DSCAM: variants seen among roughly 807,000 people sequenced by gnomAD.
The protein encoded by DSCAM is DS cell adhesion molecule.
DSCAM carries 47 observed loss-of-function variants against 217.7 expected under a neutral mutation model. The observed-to-expected ratio is 0.22, with a 90% confidence interval of 0.17 to 0.28. The LOEUF is 0.28. DSCAM is among the 10% of genes least tolerant of loss of function. The pLI is 1.00. For missense variants in DSCAM, 2,080 were observed against 2,618.3 expected, an observed-to-expected ratio of 0.79 and a Z score of 4.49; for synonymous variants, 1,056 against 1,015.3, an observed-to-expected ratio of 1.04 and a Z score of -0.76.
At chr21:40,788,415 G>A (rs368208810) in intron 1 of DSCAM, among the ~76,000 whole-genome samples, 3 of 152,132 alleles carry the variant, frequency 2.0e-5, no homozygotes, top group South Asian at 4.2e-4. Context: ...AATAACTTTT[G>A]TTTTATACCT....
intron 3 of DSCAM, among the ~76,000 whole-genome samples, chr21:40,478,682 TACTACCACA>T (rs917166636): frequency 6.6e-6 from 1 of 152,206 alleles, no homozygotes; most frequent in Non-Finnish European, 1.5e-5. Flanking sequence ...TTATTACTGC[TACTACCACA>T]ACTACAACTA....
chr21:40,382,050 C>CT (rs1240881530), intron 3 of DSCAM, among the ~76,000 whole-genome samples: 1 of 152,100 alleles, frequency 6.6e-6, no homozygotes, highest in Non-Finnish European at 1.5e-5. Flanking sequence ...TTTGAAGAGC[C>CT]TTTTTCAACA....
intron 8 of DSCAM, among the ~76,000 whole-genome samples, chr21:40,330,854 T>C (rs2074370812): frequency 6.6e-6 from 1 of 152,222 alleles, no homozygotes; most frequent in African/African-American, 2.4e-5. Context: ...AATAATAAAT[T>C]AACATAAAAG....
intron 3 of DSCAM, among the ~76,000 whole-genome samples, chr21:40,435,270 G>T (rs924677390): frequency 1.3e-5 from 2 of 152,220 alleles, no homozygotes. Flanking sequence ...GTGCAGCCTT[G>T]TTGCTAGATG....
chr21:40,317,997 C>T (rs1385119638), intron 8 of DSCAM, among the ~76,000 whole-genome samples: 1 of 152,128 alleles, frequency 6.6e-6, no homozygotes, highest in African/African-American at 2.4e-5. Flanking sequence ...CTACAAAGGA[C>T]ATGAACTCAT....
chr21:40,469,390 T>G (rs60217044), intron 3 of DSCAM, among the ~76,000 whole-genome samples: 1,870 of 152,226 alleles, frequency 0.012, 46 homozygotes, highest in African/African-American at 0.042. Context: ...ATGAGAAGAA[T>G]ACTTAAGGTG....
At chr21:40,096,840 C>T (rs2089683300) in intron 20 of DSCAM, among the ~76,000 whole-genome samples, 1 of 151,950 alleles carries the variant, frequency 6.6e-6, no homozygotes, top group Non-Finnish European at 1.5e-5. Flanking sequence ...AGCATGGCAG[C>T]CAATTTCATT....
At chr21:40,642,426 A>G (rs1223059887) in intron 3 of DSCAM, among the ~76,000 whole-genome samples, 1 of 152,170 alleles carries the variant, frequency 6.6e-6, no homozygotes, top group Non-Finnish European at 1.5e-5. Context: ...GAGAAATTAC[A>G]CCGGAAAGAG....
chr21:40,111,682 A>G (rs1422269171), intron 20 of DSCAM, among the ~76,000 whole-genome samples: 4 of 152,228 alleles, frequency 2.6e-5, no homozygotes, highest in Admixed American at 2.6e-4. Flanking sequence ...TCTCACATGC[A>G]GAGACACATA....
chr21:40,733,874 C>G lies in DSCAM; in HGVS notation c.44-25103G>C, dbSNP rs185962655. On this transcript the variant is annotated intron_variant, in intron 1 of 32. Coordinates refer to ENST00000400454, the MANE Select transcript of DSCAM (RefSeq NM_001389.5). ...TAGCAAGGCCATTGCTGCCACCCGTCAGCACCACATTGTCAAGCTCAGACT... is the reference window on the plus strand; with the variant it reads ...TAGCAAGGCCATTGCTGCCACCCGTGAGCACCACATTGTCAAGCTCAGACT... Among the ~76,000 whole-genome samples the G allele has an allele frequency of 2.5e-3, 375 of 152,244 alleles. 2 individuals are homozygous for G. The highest frequency in any genetic ancestry group is 8.5e-3 in the African/African-American group (353 of 41,530).
chr21:40,544,678 C>G lies in DSCAM; in HGVS notation c.508+148132G>C, dbSNP rs553230511. Among the ~76,000 whole-genome samples the G allele has an allele frequency of 6.6e-5, 10 of 152,250 alleles. No individual in the cohort carries two copies. In the South Asian group the frequency reaches 2.1e-3, roughly 32 times the overall value. ...TGCTGACACCTTGATTTTGAACTTC[C>G]CACCTCTGGAACTGTGAGAATAATT... On this transcript the variant is annotated intron_variant, in intron 3 of 32. Coordinates refer to ENST00000400454, the MANE Select transcript of DSCAM (RefSeq NM_001389.5).
At chr21:40,304,191 A>G (rs2074046579) in intron 9 of DSCAM, among the ~76,000 whole-genome samples, 1 of 152,124 alleles carries the variant, frequency 6.6e-6, no homozygotes, top group Non-Finnish European at 1.5e-5. Flanking sequence ...CTTCAAGACA[A>G]CAGCTAATTT....
At chr21:40,300,505 C>CCAGG (rs1362642683) in intron 9 of DSCAM, among the ~76,000 whole-genome samples, 1 of 152,248 alleles carries the variant, frequency 6.6e-6, no homozygotes, top group Non-Finnish European at 1.5e-5. Context: ...CACCTCCACA[C>CCAGG]ACTTTGCCAG....
intron 3 of DSCAM, among the ~76,000 whole-genome samples, chr21:40,630,409 G>A (rs979756497): frequency 3.3e-5 from 5 of 152,064 alleles, no homozygotes; most frequent in Admixed American, 6.5e-5. Context: ...AGAGATTCTC[G>A]TGCCTCAGCC....
chr21:40,530,879 GTCCA>G (rs759529131), intron 3 of DSCAM, among the ~76,000 whole-genome samples: 32 of 147,940 alleles, frequency 2.2e-4, no homozygotes, highest in South Asian at 4.4e-4. Context: ...AGCCCTGCCT[GTCCA>G]TCCATCCATC....
chr21:40,261,574 T>C (rs1746490208), intron 11 of DSCAM, among the ~76,000 whole-genome samples: 1 of 151,818 alleles, frequency 6.6e-6, no homozygotes, highest in Non-Finnish European at 1.5e-5. Flanking sequence ...GAATTACACA[T>C]TGGCTTTCCT....
chr21:40,482,192 C>T (rs1369573976), intron 3 of DSCAM, among the ~76,000 whole-genome samples: 1 of 152,220 alleles, frequency 6.6e-6, no homozygotes, highest in Non-Finnish European at 1.5e-5. Flanking sequence ...TTTTTATTCA[C>T]ATAATTGCAT....
At chr21:40,617,403 CGT>C (rs1372937336) in intron 3 of DSCAM, among the ~76,000 whole-genome samples, 2 of 152,064 alleles carry the variant, frequency 1.3e-5, no homozygotes, top group Non-Finnish European at 2.9e-5. Context: ...GGATTACAGG[CGT>C]GAGCCACCGC....
intron 10 of DSCAM, among the ~76,000 whole-genome samples, chr21:40,279,893 A>G (rs374129277): frequency 2.0e-5 from 3 of 152,136 alleles, no homozygotes; most frequent in Non-Finnish European, 4.4e-5. Context: ...GTTCTCACTC[A>G]TAAGTAGGAA....
Sources: allele counts gnomAD v4.1 joint callset (sites outside exome capture counted in the v4.1 genomes callset), GRCh38; gene constraint gnomAD v4.1.1; transcripts MANE v1.5; gene names NCBI Gene and HGNC (gene_info 2026-07-23, HGNC 2026-07-21).